Variants in BCAS3 observed in about 807,000 individuals in gnomAD.
BCAS3 encodes the protein BCAS4/BCAS3 fusion.
BCAS3 carries 53 observed loss-of-function variants against 116.1 expected under a neutral mutation model. That is an observed-to-expected ratio of 0.46 (90% CI 0.37 to 0.57). BCAS3 has a LOEUF of 0.57. Ranked by LOEUF, BCAS3 falls within the 20% of genes least tolerant of loss-of-function variation. The pLI is 0.00. For synonymous variants in BCAS3, 391 were observed against 408.2 expected (o/e 0.96, Z 0.51); for missense variants, 917 against 1,165.4 (o/e 0.79, Z 3.10).
chr17:60,758,457 C>T (rs1393549913), intron 6 of BCAS3, among the ~76,000 whole-genome samples: 1 of 152,140 alleles, frequency 6.6e-6, no homozygotes, highest in Non-Finnish European at 1.5e-5. Context: ...TCTTGGCTCA[C>T]TGCAGCCTCC....
At chr17:60,862,989 T>G (rs1432005293) in intron 7 of BCAS3, among the ~76,000 whole-genome samples, 1 of 152,192 alleles carries the variant, frequency 6.6e-6, no homozygotes, top group Non-Finnish European at 1.5e-5. Flanking sequence ...GTTACAAAGA[T>G]TTTTCTCAAG....
In BCAS3 at chr17:61,388,925, T is replaced by C. The variant is rs1482915250; in HGVS notation, c.2594-3052T>C. ...GCCCCCGATTCTTTCAGTTAGTCTG[T>C]GTTGAAGAATGGGCCCCCACCTCCC... On this transcript the variant is annotated intron_variant, in intron 23 of 23. Transcript: ENST00000407086. This position sits in a 1 kb window ranked among gnomAD's most constrained non-coding sequence, Gnocchi z 6.5. The C allele has an allele frequency of 3.6e-6, 2 of 550,890 alleles. No individual in the cohort carries two copies. The highest frequency in any genetic ancestry group is 3.8e-5 in the African/African-American group (2 of 52,906). 34.1% of individuals were successfully genotyped at this position (550,890 alleles called of 1,614,324 possible).
intron 6 of BCAS3, among the ~76,000 whole-genome samples, chr17:60,783,213 T>A (rs1181591842): frequency 2.0e-5 from 3 of 152,272 alleles, no homozygotes; most frequent in African/African-American, 7.2e-5. Flanking sequence ...GTTTATTTAT[T>A]TACTTATTTT....
intron 12 of BCAS3, among the ~76,000 whole-genome samples, chr17:60,915,802 C>A (rs1055585813): frequency 6.6e-6 from 1 of 151,684 alleles, no homozygotes; most frequent in Admixed American, 6.6e-5. Flanking sequence ...CCTGTCTCAG[C>A]CTCCTGAGTA....
At position 61,374,423 on chromosome 17, in the gene BCAS3, A is replaced by G. The variant is rs186492508; in HGVS notation, c.2593+5929A>G. Among the ~76,000 whole-genome samples the G allele has an allele frequency of 1.3e-3, 203 of 152,312 alleles. 2 individuals carry two copies. The Middle Eastern group carries it at 0.02, about 15-fold the overall frequency. ...TGACCTCAAGTGATCTGCCTGCCTC[A>G]GCTTCCCAAAGTGTTGGGATTACAG... On this transcript the variant is annotated intron_variant, in intron 23 of 23. Transcript: ENST00000407086.
At chr17:61,291,268 C>T (rs1408735666) in intron 22 of BCAS3, among the ~76,000 whole-genome samples, 1 of 152,094 alleles carries the variant, frequency 6.6e-6, no homozygotes, top group Non-Finnish European at 1.5e-5. Flanking sequence ...GAGAAACTTA[C>T]CATCTTAAAA....
intron 7 of BCAS3, among the ~76,000 whole-genome samples, chr17:60,847,870 C>A (rs1166456658): frequency 6.6e-6 from 1 of 150,866 alleles, no homozygotes; most frequent in Non-Finnish European, 1.5e-5. Flanking sequence ...TCTGTTCATT[C>A]ATTTGTTGCT....
chr17:61,333,268 G>A lies in BCAS3; in HGVS notation c.2426-35059G>A, dbSNP rs1364300821. 1.3e-5 allele frequency among the ~76,000 whole-genome samples: 2 copies of A among 152,192 alleles called. No individual in the cohort carries two copies. The highest frequency in any genetic ancestry group is 1.9e-4 in the East Asian group (1 of 5,192). On this transcript the variant is annotated intron_variant, in intron 22 of 23. Transcript: ENST00000407086. The surrounding 1 kb of genome is among the most constrained non-coding windows in gnomAD (Gnocchi z 4.8). ...CTCAGACCTTGCCAGCCACTTCTGCGGTGGTTGTCGGTCTTGGAAAAGCTC... is the reference window on the plus strand; with the variant it reads ...CTCAGACCTTGCCAGCCACTTCTGCAGTGGTTGTCGGTCTTGGAAAAGCTC...
chr17:60,887,208 C>A (rs2056751581), intron 9 of BCAS3: 1 of 152,076 alleles, frequency 6.6e-6, no homozygotes, highest in Non-Finnish European at 1.5e-5. Flanking sequence ...ACCCGATTTT[C>A]CAGGTGCGTC....
chr17:61,076,266 C>T (rs541840607), intron 20 of BCAS3, among the ~76,000 whole-genome samples: 33 of 152,304 alleles, frequency 2.2e-4, no homozygotes, highest in Middle Eastern at 3.4e-3. Flanking sequence ...AGCTTTTCAT[C>T]GGACAGGTGC....
At chr17:61,035,104 C>T (rs577458560) in intron 17 of BCAS3, among the ~76,000 whole-genome samples, 1 of 152,264 alleles carries the variant, frequency 6.6e-6, no homozygotes, top group South Asian at 2.1e-4. Context: ...AGTTTCACCC[C>T]TGGTCTGTGA....
rs1346677334 is a variant in BCAS3, at chr17:61,063,482, A to T, written c.2030-11438A>T. Among the ~76,000 whole-genome samples, 1 of 151,948 alleles carries T rather than the reference A, an allele frequency of 6.6e-6. No homozygotes were observed. The highest frequency in any genetic ancestry group is 6.6e-5 in the Admixed American group (1 of 15,252). ...ACGGAGTTTCACCATGTTAGCCAGG[A>T]TGGTCTCGATCTCTTGATCTCGTGA... On this transcript the variant is annotated intron_variant, in intron 19 of 23. Coordinates refer to ENST00000407086, the MANE Select transcript of BCAS3 (RefSeq NM_017679.5). This position sits in a 1 kb window ranked among gnomAD's most constrained non-coding sequence, Gnocchi z 5.3.
intron 22 of BCAS3, among the ~76,000 whole-genome samples, chr17:61,102,536 A>G (rs184657937): frequency 3.9e-5 from 6 of 152,264 alleles, no homozygotes; most frequent in Non-Finnish European, 7.4e-5. Flanking sequence ...AGTACTGTAT[A>G]CTACCTCCCA....
rs189744348 is a variant in BCAS3 at position 61,185,879 on chromosome 17, A to T, written c.2425+101315A>T. Among the ~76,000 whole-genome samples, 17 of 152,322 alleles carry T rather than the reference A, an allele frequency of 1.1e-4. No individual in the cohort carries two copies. In the East Asian group the frequency reaches 1.9e-3, roughly 17 times the overall value. On this transcript the variant is annotated intron_variant, in intron 22 of 23. Coordinates refer to ENST00000407086, the MANE Select transcript of BCAS3 (RefSeq NM_017679.5). ...TTTATATACTCATGTTTGGCTAAAA[A>T]TTATAACTTTGTGCTAAGAAAGCCT...
At position 61,140,097 on chromosome 17, in the gene BCAS3, C is replaced by T. The variant is rs778857231; in HGVS notation, c.2425+55533C>T. On this transcript the variant is annotated intron_variant, in intron 22 of 23. Coordinates refer to ENST00000407086, the MANE Select transcript of BCAS3 (RefSeq NM_017679.5). The surrounding 1 kb of genome is among the most constrained non-coding windows in gnomAD (Gnocchi z 4.2). Reference sequence around the variant, plus strand: ...CTAAAAATACAAAAAATTAGCTGGGCGTGGTGGTGCATTCCTGTAAACCCA... The same window carrying T: ...CTAAAAATACAAAAAATTAGCTGGGTGTGGTGGTGCATTCCTGTAAACCCA... 1.1e-4 allele frequency among the ~76,000 whole-genome samples: 17 copies of T among 151,994 alleles called. No homozygotes were observed. The highest frequency in any genetic ancestry group is 1.9e-4 in the African/African-American group (8 of 41,358).
At chr17:60,848,183 C>T (rs2052699187) in intron 7 of BCAS3, among the ~76,000 whole-genome samples, 1 of 152,176 alleles carries the variant, frequency 6.6e-6, no homozygotes, top group Admixed American at 6.5e-5. Flanking sequence ...GCCAGTTTCA[C>T]AGTATTTTGA....
chr17:61,299,785 A>G (rs879634763), intron 22 of BCAS3, among the ~76,000 whole-genome samples: 5 of 152,196 alleles, frequency 3.3e-5, no homozygotes, highest in African/African-American at 7.2e-5. Context: ...CAGCAAAAGG[A>G]TGCGGGTCCT....
chr17:60,948,156 G>C (rs903570284), intron 14 of BCAS3, among the ~76,000 whole-genome samples: 4 of 151,670 alleles, frequency 2.6e-5, no homozygotes, highest in African/African-American at 9.7e-5. Flanking sequence ...CCAGGCTAGA[G>C]TGCAGTGGCG....
At chr17:60,699,845 A>G (rs1165108241) in intron 4 of BCAS3, among the ~76,000 whole-genome samples, 2 of 148,812 alleles carry the variant, frequency 1.3e-5, no homozygotes. Flanking sequence ...CCTGGGCGAC[A>G]GAGCAAGACT....
Sources: gnomAD v4.1 joint callset for allele counts (sites outside exome capture counted in the v4.1 genomes callset) on GRCh38, gnomAD v4.1.1 for gene constraint, Gnocchi (gnomAD v3.1) non-coding constraint, MANE v1.5 for transcripts, NCBI Gene and HGNC (gene_info 2026-07-23, HGNC 2026-07-21) for gene names.